The following SLMAP variants were observed in gnomAD, a reference collection of about 807,000 sequenced individuals.
SLMAP encodes sarcolemmal membrane-associated protein.
A neutral mutation model predicts 128.8 loss-of-function variants in SLMAP; 44 were observed. The observed-to-expected ratio is 0.34, with a 90% confidence interval of 0.27 to 0.44. SLMAP has a LOEUF of 0.44. Among genes scored for constraint, SLMAP ranks in the 20% least tolerant of loss-of-function variants. The probability of loss-of-function intolerance (pLI) is 1.00; values close to 1 mark genes in which losing one functional copy is unlikely to be tolerated. For synonymous variants in SLMAP, 327 were observed against 348.8 expected, an observed-to-expected ratio of 0.94 and a Z score of 0.70; for missense variants, 787 against 985.3, an observed-to-expected ratio of 0.80 and a Z score of 2.69.
At chr3:57,863,467 A>G (rs534853292) in intron 10 of SLMAP, among the ~76,000 whole-genome samples, 19 of 152,272 alleles carry the variant, frequency 1.2e-4, no homozygotes, top group Non-Finnish European at 2.4e-4. Context: ...TTTTGTTGCT[A>G]TAAAGGAATA....
intron 2 of SLMAP, among the ~76,000 whole-genome samples, chr3:57,814,334 T>A (rs1020338318): frequency 2.6e-5 from 4 of 151,832 alleles, no homozygotes; most frequent in Admixed American, 2.6e-4. Context: ...AGAGACAGGG[T>A]CTCACTTTGT....
At chr3:57,800,182 CAG>C (rs1327720976) in intron 2 of SLMAP, 3 of 152,218 alleles carry the variant, frequency 2.0e-5, no homozygotes, top group African/African-American at 4.8e-5. Context: ...TTTTTTGAGA[CAG>C]AGTCTCGCTC....
intron 22 of SLMAP, among the ~76,000 whole-genome samples, chr3:57,921,237 G>A (rs910115592): frequency 6.6e-6 from 1 of 152,170 alleles, no homozygotes; most frequent in Non-Finnish European, 1.5e-5. Flanking sequence ...AAGGCAGATG[G>A]TCTTTAAAAA....
At chr3:57,884,813 AAAAAT>A (rs1313171599) in intron 14 of SLMAP, among the ~76,000 whole-genome samples, 3 of 152,160 alleles carry the variant, frequency 2.0e-5, no homozygotes, top group African/African-American at 4.8e-5. Flanking sequence ...TGTCTCAAAA[AAAAAT>A]AAAATAAAAA....
intron 3 of SLMAP, among the ~76,000 whole-genome samples, chr3:57,833,324 G>C (rs1265732074): frequency 6.6e-6 from 1 of 152,096 alleles, no homozygotes; most frequent in Non-Finnish European, 1.5e-5. Flanking sequence ...TATCTGTGAG[G>C]GTCTATCTGT....
At chr3:57,768,606 A>G (rs1424758356) in intron 2 of SLMAP, among the ~76,000 whole-genome samples, 1 of 152,162 alleles carries the variant, frequency 6.6e-6, no homozygotes, top group African/African-American at 2.4e-5. Flanking sequence ...GGCTGAGGGT[A>G]ATTAGGAATG....
intron 22 of SLMAP, chr3:57,918,441 T>C (rs552279252): frequency 6.6e-6 from 1 of 152,256 alleles, no homozygotes; most frequent in Non-Finnish European, 1.5e-5. Context: ...TCTAAATTGT[T>C]GATAGTCTTG....
At chr3:57,839,744 C>T (rs1020383903) in intron 3 of SLMAP, among the ~76,000 whole-genome samples, 9 of 152,230 alleles carry the variant, frequency 5.9e-5, no homozygotes, top group African/African-American at 9.6e-5. Flanking sequence ...GCTGGGATTA[C>T]AGGCACCCAC....
intron 19 of SLMAP, among the ~76,000 whole-genome samples, chr3:57,911,023 C>T (rs2096680984): frequency 6.6e-6 from 1 of 152,130 alleles, no homozygotes; most frequent in Admixed American, 6.5e-5. Context: ...ATTGAAAGCT[C>T]TTAAAACTCC....
At chr3:57,840,770 TAGC>T (rs1294870153) in intron 3 of SLMAP, among the ~76,000 whole-genome samples, 2 of 152,204 alleles carry the variant, frequency 1.3e-5, no homozygotes, top group African/African-American at 4.8e-5. Flanking sequence ...TGATACTTAA[TAGC>T]AGAGAATTGT....
chr3:57,844,624 ATTG>A (rs1049274213), intron 4 of SLMAP, among the ~76,000 whole-genome samples: 1 of 150,170 alleles, frequency 6.7e-6, no homozygotes, highest in African/African-American at 2.4e-5. Context: ...TATTAATGGG[ATTG>A]TTATGAGAAG....
chr3:57,908,809 C>T (rs909469357), intron 18 of SLMAP, among the ~76,000 whole-genome samples: 1 of 152,128 alleles, frequency 6.6e-6, no homozygotes, highest in Admixed American at 6.6e-5. Flanking sequence ...AAGACTGTTT[C>T]TCATGTTAAG....
At chr3:57,917,222 G>A (rs2096831229) in intron 22 of SLMAP, 145 bp downstream of exon 22, 1 of 1,516,240 alleles carries the variant, frequency 6.6e-7, no homozygotes, top group African/African-American at 1.4e-5. Flanking sequence ...TCTGCTTGGT[G>A]ATTTCTAGCT....
chr3:57,782,370 T>G (rs2153461677), intron 2 of SLMAP, among the ~76,000 whole-genome samples: 3 of 152,358 alleles, frequency 2.0e-5, no homozygotes, highest in Middle Eastern at 6.8e-3. Flanking sequence ...ACCTTATATT[T>G]AAACAGTTTT....
rs1331941174 is a variant in SLMAP, at chr3:57,929,807, CATTT to C, written c.*2521_*2524del. ...CATTTTCTCTGAGTCTCCATTTTCT[CATTT>C]ATAACATGCGGAGAATAATACTTAT... is the stretch of plus-strand genomic sequence containing the variant. On this transcript the variant is annotated 3_prime_UTR_variant, in exon 25 of 25. Coordinates refer to ENST00000671191, the MANE Select transcript of SLMAP (RefSeq NM_001377540.1). Among the ~76,000 whole-genome samples, 1 of 152,166 alleles carries C rather than the reference CATTT, an allele frequency of 6.6e-6. No individual in the cohort carries two copies. The highest frequency in any genetic ancestry group is 1.5e-5 in the Non-Finnish European group (1 of 68,032).
intron 6 of SLMAP, among the ~76,000 whole-genome samples, chr3:57,853,997 A>ATATATT (rs1560254779): frequency 9.2e-6 from 1 of 109,236 alleles, no homozygotes; most frequent in Non-Finnish European, 1.9e-5. Context: ...ATATATATAT[A>ATATATT]TATTTACATA....
chr3:57,912,309 A>C (rs2096719994), intron 19 of SLMAP, 72 bp from the exon 20 acceptor site: 1 of 1,319,308 alleles, frequency 7.6e-7, no homozygotes, highest in Non-Finnish European at 1.1e-6. Flanking sequence ...CAGGTTATGC[A>C]TTAGCTACAA....
chr3:57,912,375 T>C lies in SLMAP; in HGVS notation c.1700-6T>C. On this transcript the variant is annotated splice_polypyrimidine_tract_variant and splice_region_variant and intron_variant, in intron 19 of 24. Coordinates refer to ENST00000671191, the MANE Select transcript of SLMAP (RefSeq NM_001377540.1). ...GGCCAAGAAAATGATGGATATACTT[T>C]TGCAGCCCAATTGCAGAGGTTACAC... 6.2e-7 allele frequency: 1 copy of C among 1,603,116 alleles called. No individual in the cohort carries two copies. The highest frequency in any genetic ancestry group is 8.5e-7 in the Non-Finnish European group (1 of 1,170,580).
chr3:57,859,713 G>C lies in SLMAP; in HGVS notation c.688-986G>C, dbSNP rs148349816. On this transcript the variant is annotated intron_variant, in intron 8 of 24. Coordinates refer to ENST00000671191, the MANE Select transcript of SLMAP (RefSeq NM_001377540.1). ...TGGACATTGGAGACTCAGAAGTTGG[G>C]AAAGTGAGAGGGGAGTGAGGGATGA... 1.4e-3 allele frequency among the ~76,000 whole-genome samples: 218 copies of C among 152,244 alleles called. 1 individual carries two copies. Among genetic ancestry groups the C allele is most frequent in the African/African-American group, 5.0e-3 (207 of 41,560 alleles).
Sources: gnomAD v4.1 joint callset for allele counts (sites outside exome capture counted in the v4.1 genomes callset) on GRCh38, gnomAD v4.1.1 for gene constraint, MANE v1.5 for transcripts, NCBI Gene and HGNC (gene_info 2026-07-23, HGNC 2026-07-21) for gene names.